The following SRGAP1 variants were observed in gnomAD, a reference collection of about 807,000 sequenced individuals.
SRGAP1 encodes the protein SLIT-ROBO Rho GTPase-activating protein 1.
In SRGAP1, 43 loss-of-function variants were observed where a neutral mutation model predicts 121.9. That is an observed-to-expected ratio of 0.35 (90% CI 0.28 to 0.46). The LOEUF is 0.46. SRGAP1 is among the 20% of genes least tolerant of loss of function. SRGAP1 has a pLI of 1.00. For missense variants in SRGAP1, 1,102 were observed against 1,350.9 expected, an observed-to-expected ratio of 0.82 and a Z score of 2.89; for synonymous variants, 447 against 485.4, an observed-to-expected ratio of 0.92 and a Z score of 1.04.
chr12:64,078,287 T>G (rs1344014517), intron 8 of SRGAP1, among the ~76,000 whole-genome samples: 1 of 152,204 alleles, frequency 6.6e-6, no homozygotes, highest in Non-Finnish European at 1.5e-5. Flanking sequence ...CTATCAATAG[T>G]AAAATGGATG....
At chr12:64,000,275 T>TA (rs1555163999) in intron 3 of SRGAP1, among the ~76,000 whole-genome samples, 36 of 133,358 alleles carry the variant, frequency 2.7e-4, no homozygotes, top group African/African-American at 4.8e-4. Flanking sequence ...TGTGTGTGTG[T>TA]AAAAAAAAAA....
chr12:64,084,880 TTAA>T (rs1477572009), intron 10 of SRGAP1, among the ~76,000 whole-genome samples: 2 of 152,010 alleles, frequency 1.3e-5, no homozygotes, highest in Non-Finnish European at 2.9e-5. Context: ...TTTATAGATA[TTAA>T]TTTAATAATG....
chr12:64,003,583 A>G (rs1390491707), intron 3 of SRGAP1, among the ~76,000 whole-genome samples: 1 of 152,112 alleles, frequency 6.6e-6, no homozygotes, highest in African/African-American at 2.4e-5. Context: ...CAATATCAGA[A>G]TGGAGCTAAC....
intron 1 of SRGAP1, among the ~76,000 whole-genome samples, chr12:63,889,135 A>G (rs780998417): frequency 3.9e-5 from 6 of 152,162 alleles, no homozygotes; most frequent in Non-Finnish European, 7.4e-5. Flanking sequence ...ACACATGGGG[A>G]CAATATCTAT....
chr12:63,985,104 C>T (rs1206287622), intron 2 of SRGAP1, among the ~76,000 whole-genome samples: 5 of 151,434 alleles, frequency 3.3e-5, no homozygotes, highest in South Asian at 2.1e-4. Context: ...CAGGGGAAGG[C>T]GGGGGAGACC....
intron 3 of SRGAP1, among the ~76,000 whole-genome samples, chr12:64,006,055 TTAGA>T (rs1398425063): frequency 3.3e-5 from 5 of 152,172 alleles, no homozygotes; most frequent in African/African-American, 4.8e-5. Context: ...GTAACTGCTC[TTAGA>T]TAGATAGGAC....
At chr12:64,060,289 C>T (rs2035426538) in intron 6 of SRGAP1, among the ~76,000 whole-genome samples, 1 of 150,818 alleles carries the variant, frequency 6.6e-6, no homozygotes, top group South Asian at 2.1e-4. Context: ...CTTACTGCAG[C>T]CTCTACCTCC....
At chr12:63,904,732 A>G (rs2030117114) in intron 1 of SRGAP1, among the ~76,000 whole-genome samples, 1 of 152,094 alleles carries the variant, frequency 6.6e-6, no homozygotes, top group South Asian at 2.1e-4. Context: ...GGAGTTGAAG[A>G]CCAACGTGGT....
At chr12:64,061,841 C>G (rs886853840) in intron 6 of SRGAP1, among the ~76,000 whole-genome samples, 1 of 152,188 alleles carries the variant, frequency 6.6e-6, no homozygotes, top group Non-Finnish European at 1.5e-5. Flanking sequence ...TTCAAAGTTT[C>G]ATCCATGTTA....
At chr12:63,854,314 C>T (rs1241143332) in intron 1 of SRGAP1, among the ~76,000 whole-genome samples, 1 of 152,124 alleles carries the variant, frequency 6.6e-6, no homozygotes, top group Non-Finnish European at 1.5e-5. Context: ...GCCATTTGAA[C>T]ACTTTCTGAA....
Position 64,016,981 on chromosome 12 carries a change from A to G in SRGAP1, c.458A>G (p.Asp153Gly), listed in dbSNP as rs903466520. The G allele has an allele frequency of 1.3e-6, 2 of 1,554,742 alleles. No homozygotes were observed. Among genetic ancestry groups the G allele is most frequent in the Non-Finnish European group, 1.8e-6 (2 of 1,132,462 alleles). The change falls in exon 4 of 22, where the codon GAT (aspartate) becomes GGT (glycine). Residue 153 changes from aspartate (D) to glycine (G), a missense_variant. Coordinates refer to ENST00000355086, the MANE Select transcript of SRGAP1 (RefSeq NM_020762.4). ...GAGATTGCATTCCAACTTCATGAGGATTTAATGAAGGTTCTTAATGAGCTT... is the reference window on the plus strand; with the variant it reads ...GAGATTGCATTCCAACTTCATGAGGGTTTAATGAAGGTTCTTAATGAGCTT... The part of the protein sequence containing the change: ...SKEIAFQLHE[D>G]LMKVLNELYT...
intron 10 of SRGAP1, chr12:64,080,750 CTGTT>C (rs534680080): frequency 1.4e-3 from 393 of 281,298 alleles, no homozygotes; most frequent in African/African-American, 7.9e-3. Context: ...AACCCCACCC[CTGTT>C]TGTTTTAATG....
intron 4 of SRGAP1, among the ~76,000 whole-genome samples, chr12:64,017,909 A>G (rs1477043033): frequency 6.6e-6 from 1 of 152,076 alleles, no homozygotes; most frequent in Non-Finnish European, 1.5e-5. Flanking sequence ...ACACCTAATG[A>G]TGTTGCAAGT....
intron 1 of SRGAP1, among the ~76,000 whole-genome samples, chr12:63,957,926 G>T (rs1451850683): frequency 6.6e-6 from 1 of 152,140 alleles, no homozygotes; most frequent in Admixed American, 6.5e-5. Context: ...GCCTCTGCGG[G>T]GTGCTGAGTC....
chr12:64,093,974 A>G (rs1453889157), intron 12 of SRGAP1, among the ~76,000 whole-genome samples: 2 of 152,186 alleles, frequency 1.3e-5, no homozygotes, highest in Non-Finnish European at 2.9e-5. Flanking sequence ...TATTAAGACA[A>G]CCAACTTTTT....
intron 6 of SRGAP1, among the ~76,000 whole-genome samples, chr12:64,049,080 A>G (rs2035188219): frequency 6.6e-6 from 1 of 152,144 alleles, no homozygotes; most frequent in South Asian, 2.1e-4. Context: ...CTTTGCCCAG[A>G]CCAATTGCCT....
intron 3 of SRGAP1, among the ~76,000 whole-genome samples, chr12:64,004,806 T>C (rs1051256286): frequency 1.3e-5 from 2 of 152,234 alleles, no homozygotes; most frequent in Non-Finnish European, 2.9e-5. Flanking sequence ...GTGTCTGCAG[T>C]TGAGTCAACA....
intron 4 of SRGAP1, chr12:64,032,416 C>T (rs1200942129): frequency 4.9e-6 from 3 of 617,056 alleles, no homozygotes; most frequent in African/African-American, 1.9e-5. Context: ...CCTCATCAGT[C>T]AGATCTCTGG....
chr12:64,132,766 T>C (rs188136429), intron 21 of SRGAP1, among the ~76,000 whole-genome samples: 2 of 152,364 alleles, frequency 1.3e-5, no homozygotes, highest in Admixed American at 6.5e-5. Context: ...CAGTGTAATA[T>C]CTTGCGGAAG....
Sources: gnomAD v4.1 joint callset for allele counts (sites outside exome capture counted in the v4.1 genomes callset) on GRCh38, gnomAD v4.1.1 for gene constraint, MANE v1.5 for transcripts, NCBI Gene and HGNC (gene_info 2026-07-23, HGNC 2026-07-21) for gene names.